Variants in ADAMTS17 observed in about 807,000 individuals in gnomAD.
ADAMTS17 encodes the protein ADAM metallopeptidase with thrombospondin type 1 motif 17.
A neutral mutation model predicts 141.5 loss-of-function variants in ADAMTS17; 113 were observed. The observed-to-expected ratio is 0.80, with a 90% CI of 0.69 to 0.93. ADAMTS17 has a LOEUF of 0.93. Ranked by LOEUF, ADAMTS17 falls within the 40% of genes least tolerant of loss-of-function variation. The pLI is 0.00. For missense variants in ADAMTS17, 1,659 were observed against 1,517.9 expected (o/e 1.09, Z -1.54); for synonymous variants, 768 against 630.6 (o/e 1.22, Z -3.27).
rs558020744 is a variant in ADAMTS17, at chr15:100,139,908, A to T, written c.1474-6593T>A. On this transcript the variant is annotated intron_variant, in intron 10 of 21. Transcript: ENST00000268070. ...TTGATGGAAAAACTGGTGAAATCTA[A>T]ATGTATTTTACCTAATAGTATTGTA... Among the ~76,000 whole-genome samples the T allele has an allele frequency of 3.3e-5, 5 of 152,306 alleles. No individual in the cohort carries two copies. The East Asian group carries it at 9.6e-4, about 29-fold the overall frequency.
At chr15:100,080,230 G>A (rs989358189) in intron 15 of ADAMTS17, among the ~76,000 whole-genome samples, 1 of 152,084 alleles carries the variant, frequency 6.6e-6, no homozygotes, top group Non-Finnish European at 1.5e-5. Context: ...GCCACCAGGA[G>A]ACACAATGAT....
intron 12 of ADAMTS17, 53 bp from the exon 13 acceptor site, chr15:100,117,066 G>A (rs1169268794): frequency 2.6e-6 from 4 of 1,548,836 alleles, no homozygotes; most frequent in Middle Eastern, 2.1e-4. Flanking sequence ...CAAAGGGCAG[G>A]AGAGCTGTTT....
At position 100,155,260 on chromosome 15, in the gene ADAMTS17, T is replaced by C. The variant is rs763506234; in HGVS notation, c.1242A>G (p.Ser414=). The change falls in exon 9 of 22, where the codon TCA becomes TCG. Residue 414 remains serine, a synonymous_variant. Transcript: ENST00000268070. The part of the protein sequence containing the change: ...SSCAGRSHIM[S]GEWVKGRNPS... ...GGTTCCGGCCTTTCACCCACTCTCCTGACATGATGTGGGACCTGCCAGCGC... is the reference window on the plus strand; with the variant it reads ...GGTTCCGGCCTTTCACCCACTCTCCCGACATGATGTGGGACCTGCCAGCGC... 1.2e-6 allele frequency: 2 copies of C among 1,614,114 alleles called. No individual in the cohort carries two copies. Among genetic ancestry groups the C allele is most frequent in the Non-Finnish European group, 8.5e-7 (1 of 1,180,054 alleles).
chr15:100,176,616 A>C (rs1277243249), intron 8 of ADAMTS17, among the ~76,000 whole-genome samples: 1 of 152,238 alleles, frequency 6.6e-6, no homozygotes, highest in Non-Finnish European at 1.5e-5. Context: ...ACGATCCACA[A>C]AACTTGTTCT....
chr15:100,072,526 C>T (rs1053929831), intron 15 of ADAMTS17, among the ~76,000 whole-genome samples: 2 of 151,940 alleles, frequency 1.3e-5, no homozygotes, highest in African/African-American at 4.8e-5. Flanking sequence ...GCTACAGTAA[C>T]CAAAACAGCA....
chr15:100,054,619 C>CT (rs2032414789), intron 15 of ADAMTS17, among the ~76,000 whole-genome samples: 2 of 152,178 alleles, frequency 1.3e-5, no homozygotes, highest in African/African-American at 4.8e-5. Flanking sequence ...AACCATTACT[C>CT]TGTTAAGTAT....
At chr15:99,976,245 G>T (rs1273682473) in intron 20 of ADAMTS17, 23 bp from the exon 21 acceptor site, 1 of 1,540,114 alleles carries the variant, frequency 6.5e-7, no homozygotes, top group South Asian at 1.2e-5. Context: ...GACAGCCTGA[G>T]TGGGGCTGAC....
chr15:100,195,789 G>T (rs897268463), intron 8 of ADAMTS17, among the ~76,000 whole-genome samples: 3 of 152,036 alleles, frequency 2.0e-5, no homozygotes, highest in African/African-American at 7.2e-5. Flanking sequence ...TAAACTGAAA[G>T]TACCTTGGTT....
At chr15:100,281,547 T>C in intron 3 of ADAMTS17, 146 bp from the exon 4 acceptor site, 2 of 1,086,862 alleles carry the variant, frequency 1.8e-6, no homozygotes, top group Non-Finnish European at 2.7e-6. Flanking sequence ...ATCTCCACCG[T>C]CATGTGGGTG....
chr15:100,204,089 T>C (rs914405869), intron 7 of ADAMTS17, among the ~76,000 whole-genome samples: 1 of 152,148 alleles, frequency 6.6e-6, no homozygotes, highest in African/African-American at 2.4e-5. Flanking sequence ...TAGACAAAAT[T>C]GGGTGAAGAG....
At chr15:100,270,623 A>G (rs2043872945) in intron 4 of ADAMTS17, among the ~76,000 whole-genome samples, 1 of 151,558 alleles carries the variant, frequency 6.6e-6, no homozygotes, top group African/African-American at 2.4e-5. Context: ...ATATTTCTGG[A>G]TCATCTCCTG....
chr15:100,246,867 TTTTATTTA>T (rs10525188), intron 7 of ADAMTS17, among the ~76,000 whole-genome samples: 11,342 of 146,548 alleles, frequency 0.077, 978 homozygotes, highest in African/African-American at 0.22. Flanking sequence ...GCCCTTTTAT[TTTTATTTA>T]TTTATTTATT....
At chr15:100,226,189 T>C (rs771066913) in intron 7 of ADAMTS17, among the ~76,000 whole-genome samples, 1 of 152,244 alleles carries the variant, frequency 6.6e-6, no homozygotes, top group Non-Finnish European at 1.5e-5. Flanking sequence ...TGCCATTCCG[T>C]CCTCAGAGCA....
chr15:100,079,517 T>A (rs2034594577), intron 15 of ADAMTS17, among the ~76,000 whole-genome samples: 1 of 152,206 alleles, frequency 6.6e-6, no homozygotes, highest in African/African-American at 2.4e-5. Context: ...AGACATTAGA[T>A]GAGTGGTTAC....
At chr15:99,991,930 T>C (rs1220892542) in intron 20 of ADAMTS17, among the ~76,000 whole-genome samples, 5 of 151,124 alleles carry the variant, frequency 3.3e-5, no homozygotes, top group African/African-American at 1.2e-4. Context: ...GAACAGAAAA[T>C]CAAACACTGC....
intron 7 of ADAMTS17, among the ~76,000 whole-genome samples, chr15:100,208,652 A>T (rs1479314802): frequency 1.3e-5 from 2 of 152,234 alleles, no homozygotes; most frequent in African/African-American, 4.8e-5. Context: ...ATGAGTTTAC[A>T]AATATTCACT....
At chr15:100,187,819 C>T (rs970306998) in intron 8 of ADAMTS17, among the ~76,000 whole-genome samples, 1 of 152,148 alleles carries the variant, frequency 6.6e-6, no homozygotes, top group East Asian at 1.9e-4. Context: ...TCGGCTTCTG[C>T]CCCCAAACTG....
intron 3 of ADAMTS17, among the ~76,000 whole-genome samples, chr15:100,312,763 A>G (rs546586100): frequency 1.1e-4 from 17 of 152,318 alleles, no homozygotes; most frequent in African/African-American, 3.1e-4. Context: ...CAAGAGCAGT[A>G]CAAAGATAGA....
chr15:100,214,386 A>G (rs1399334033), intron 7 of ADAMTS17, among the ~76,000 whole-genome samples: 1 of 152,262 alleles, frequency 6.6e-6, no homozygotes, highest in Non-Finnish European at 1.5e-5. Flanking sequence ...AGCTTGTATT[A>G]TAACATTAAT....
Sources: allele counts gnomAD v4.1 joint callset (sites outside exome capture counted in the v4.1 genomes callset), GRCh38; gene constraint gnomAD v4.1.1; transcripts MANE v1.5; gene names NCBI Gene and HGNC (gene_info 2026-07-23, HGNC 2026-07-21).